FAM177B: variants seen among roughly 807,000 people sequenced by gnomAD.
The protein encoded by FAM177B is family with sequence similarity 177 member B.
FAM177B carries 16 observed loss-of-function variants against 16.1 expected under a neutral mutation model. The ratio of observed to expected loss-of-function variants is 0.99; its 90% CI spans 0.67 to 1.51. The LOEUF (loss-of-function observed/expected upper bound fraction) is 1.51, where lower values mean the gene tolerates loss of function less well. Ranked by LOEUF, FAM177B falls within the 40% of genes most tolerant of loss-of-function variation. FAM177B has a pLI of 0.00. For synonymous variants in FAM177B, 56 were observed against 59.9 expected, an observed-to-expected ratio of 0.93 and a Z score of 0.30; for missense variants, 178 against 183.7, an observed-to-expected ratio of 0.97 and a Z score of 0.18.
chr1:222,737,426 T>A, intron 1 of FAM177B, 104 bp downstream of exon 1: 1 of 152,202 alleles, frequency 6.6e-6, no homozygotes, highest in East Asian at 1.9e-4. Flanking sequence ...TAGTCTCCAT[T>A]TGAGTTAAAG....
intron 5 of FAM177B, 114 bp downstream of exon 5, chr1:222,749,676 A>T (rs1658967390): frequency 2.7e-6 from 2 of 738,144 alleles, no homozygotes; most frequent in South Asian, 3.6e-5. Context: ...CTATAATTTC[A>T]CCAAGCTCCC....
intron 2 of FAM177B, among the ~76,000 whole-genome samples, chr1:222,738,635 C>A (rs973197348): frequency 4.8e-4 from 71 of 149,310 alleles, no homozygotes; most frequent in Non-Finnish European, 7.4e-5. Flanking sequence ...CACTGCACCA[C>A]TCCAGCCTGG....
chr1:222,750,249 A>C lies in FAM177B; in HGVS notation c.*191A>C. The C allele has an allele frequency of 7.2e-7, 1 of 1,389,274 alleles. No individual in the cohort carries two copies. The highest frequency in any genetic ancestry group is 9.3e-7 in the Non-Finnish European group (1 of 1,076,700). 86.1% of individuals were successfully genotyped at this position (1,389,274 alleles called of 1,614,324 possible). ...AAGCATCCAGGAATTACAAGCAATA[A>C]TGAGAGTAATTTTGGACACTTTCTC... On this transcript the variant is annotated 3_prime_UTR_variant, in exon 6 of 6. Transcript: ENST00000445590.
At chr1:222,745,311 T>C (rs759129131) in intron 2 of FAM177B, among the ~76,000 whole-genome samples, 4 of 152,176 alleles carry the variant, frequency 2.6e-5, no homozygotes, top group Non-Finnish European at 5.9e-5. Context: ...TTACAAGATT[T>C]TATGTTTAAC....
chr1:222,740,320 C>A (rs964184189), intron 2 of FAM177B, among the ~76,000 whole-genome samples: 2 of 152,084 alleles, frequency 1.3e-5, no homozygotes, highest in Non-Finnish European at 2.9e-5. Flanking sequence ...ATTCGATCTT[C>A]TAGTCTTCAT....
At position 222,749,490 on chromosome 1, in the gene FAM177B, T is replaced by C. The variant is rs1658954679; in HGVS notation, c.267T>C (p.Phe89=). Residue 89 remains phenylalanine, a synonymous_variant, in exon 5 of 6, where the codon TTT becomes TTC. Coordinates refer to ENST00000445590, the MANE Select transcript of FAM177B (RefSeq NM_001394345.1). Reference sequence around the variant, plus strand: ...CATGTGAATTCCTTGGTGGAAGATTTGCTGTCTTCTTTGGTCTTACTCAAC... The same window carrying C: ...CATGTGAATTCCTTGGTGGAAGATTCGCTGTCTTCTTTGGTCTTACTCAAC... ...FSTCEFLGGR[F]AVFFGLTQPK... 5 of 1,609,458 alleles carry C rather than the reference T, an allele frequency of 3.1e-6. No homozygotes were observed. Among genetic ancestry groups the C allele is most frequent in the Non-Finnish European group, 4.2e-6 (5 of 1,177,166 alleles).
intron 2 of FAM177B, among the ~76,000 whole-genome samples, chr1:222,742,199 CT>C (rs1658584766): frequency 6.6e-6 from 1 of 151,954 alleles, no homozygotes; most frequent in African/African-American, 2.4e-5. Context: ...ATATATATCT[CT>C]TTTTTTCTCA....
intron 2 of FAM177B, among the ~76,000 whole-genome samples, chr1:222,742,101 C>T (rs1055090568): frequency 6.6e-6 from 1 of 151,870 alleles, no homozygotes; most frequent in African/African-American, 2.4e-5. Flanking sequence ...CCACAGCGCC[C>T]GGCCTGTATT....
chr1:222,746,532 T>G lies in FAM177B; in HGVS notation c.-14T>G. 6.4e-7 allele frequency: 1 copy of G among 1,564,014 alleles called. No homozygotes were observed. The highest frequency in any genetic ancestry group is 8.7e-7 in the Non-Finnish European group (1 of 1,147,944). ...GGTGCCCTGTTTTTAATTTTCTAGT[T>G]GTTTTGTTTCATTATGGAGATTGAC... On this transcript the variant is annotated splice_region_variant and 5_prime_UTR_variant, in exon 3 of 6. Transcript: ENST00000445590.
At chr1:222,744,333 G>A (rs1286544439) in intron 2 of FAM177B, among the ~76,000 whole-genome samples, 1 of 151,970 alleles carries the variant, frequency 6.6e-6, no homozygotes, top group African/African-American at 2.4e-5. Context: ...TTAGCCGGGG[G>A]TGGTGGTGGG....
intron 5 of FAM177B, 63 bp from the exon 6 acceptor site, chr1:222,749,858 G>A (rs909062719): frequency 1.4e-5 from 21 of 1,537,738 alleles, no homozygotes; most frequent in Non-Finnish European, 1.9e-5. Flanking sequence ...TTATATACAA[G>A]AGGGGGAGTT....
At chr1:222,738,633 C>T (rs1658392407) in intron 2 of FAM177B, among the ~76,000 whole-genome samples, 1 of 149,068 alleles carries the variant, frequency 6.7e-6, no homozygotes, top group Admixed American at 6.7e-5. Context: ...ACCACTGCAC[C>T]ACTCCAGCCT....
At chr1:222,745,295 G>A (rs1658740967) in intron 2 of FAM177B, among the ~76,000 whole-genome samples, 1 of 152,162 alleles carries the variant, frequency 6.6e-6, no homozygotes, top group Non-Finnish European at 1.5e-5. Context: ...ACATCTAGGT[G>A]TGAAATTACA....
Position 222,749,966 on chromosome 1 carries a change from G to C in FAM177B, c.385G>C (p.Ala129Pro). The C allele has an allele frequency of 1.2e-6, 2 of 1,614,054 alleles. No individual in the cohort carries two copies. Among genetic ancestry groups the C allele is most frequent in the Non-Finnish European group, 1.7e-6 (2 of 1,179,930 alleles). Residue 129 changes from alanine to proline, a missense_variant, in exon 6 of 6, where the codon GCT becomes CCT. Transcript: ENST00000445590. The stretch of plus-strand genomic sequence containing the variant: ...AAGGAGAGGATCAAAGGCCCAGGCA[G>C]CTGAGGTTCCTAATGAAAAGTGTCA... ...SERRGSKAQA[A>P]EVPNEKCHLE...
At chr1:222,741,838 CT>C (rs1658556102) in intron 2 of FAM177B, among the ~76,000 whole-genome samples, 1 of 141,176 alleles carries the variant, frequency 7.1e-6, no homozygotes. Flanking sequence ...TTCTTTCTTT[CT>C]TTTTTCCTTC....
intron 2 of FAM177B, among the ~76,000 whole-genome samples, chr1:222,745,442 T>A (rs1251116617): frequency 4.6e-5 from 7 of 151,890 alleles, no homozygotes; most frequent in Non-Finnish European, 7.4e-5. Flanking sequence ...TGAGACCCCA[T>A]CTCTATAAAA....
At chr1:222,749,588 G>A (rs757053095) in intron 5 of FAM177B, 26 bp downstream of exon 5, 16 of 1,366,978 alleles carry the variant, frequency 1.2e-5, no homozygotes, top group Non-Finnish European at 1.3e-5. Context: ...ATGGAAACAA[G>A]GGGCCTGAGA....
In FAM177B at chr1:222,746,606, A is replaced by C. The variant is rs1001038635; in HGVS notation, c.61A>C (p.Thr21Pro). 5.6e-6 allele frequency: 9 copies of C among 1,611,564 alleles called. No individual in the cohort carries two copies. In the Admixed American group the frequency reaches 1.5e-4, roughly 27 times the overall value. ...GAAGAGTGTACCTTCCAAAAAGACT[A>C]CTCCTAAAAGGATTATCCATTTTGT... ...LEKSVPSKKT[T>P]PKRIIHFVDG... The change falls in exon 3 of 6, where the codon ACT becomes CCT. Residue 21 changes from threonine (T) to proline (P), a missense_variant. Coordinates refer to ENST00000445590, the MANE Select transcript of FAM177B (RefSeq NM_001394345.1).
intron 4 of FAM177B, 135 bp from the exon 5 acceptor site, chr1:222,749,330 G>T (rs954746830): frequency 8.8e-5 from 50 of 566,200 alleles, no homozygotes; most frequent in Admixed American, 6.9e-5. Flanking sequence ...GAAATGTTTT[G>T]TCAGCCTTGA....
Sources: gnomAD v4.1 joint callset for allele counts (sites outside exome capture counted in the v4.1 genomes callset) on GRCh38, gnomAD v4.1.1 for gene constraint, MANE v1.5 for transcripts, NCBI Gene and HGNC (gene_info 2026-07-23, HGNC 2026-07-21) for gene names.